The following SVOP variants were observed in gnomAD, a reference collection of about 807,000 sequenced individuals.
SVOP encodes SV2 related protein, also known as synaptic vesicle 2-related protein.
Under a neutral mutation model 69.1 loss-of-function variants are expected in SVOP, and 17 were observed. That is an observed-to-expected ratio of 0.25 (90% CI 0.17 to 0.37). The LOEUF (loss-of-function observed/expected upper bound fraction) is 0.37, where lower values mean the gene tolerates loss of function less well. Ranked by LOEUF, SVOP falls within the 10% of genes least tolerant of loss-of-function variation. The probability of loss-of-function intolerance (pLI) is 1.00; values close to 1 mark genes in which losing one functional copy is unlikely to be tolerated. For synonymous variants in SVOP, 238 were observed against 238.6 expected, an observed-to-expected ratio of 1.00 and a Z score of 0.02; for missense variants, 435 against 597.5, an observed-to-expected ratio of 0.73 and a Z score of 2.84.
intron 9 of SVOP, among the ~76,000 whole-genome samples, chr12:108,937,666 C>G (rs1433864642): frequency 2.0e-5 from 3 of 152,098 alleles, no homozygotes; most frequent in Non-Finnish European, 4.4e-5. Context: ...AAAACCAGTC[C>G]AAAGCATGTC....
chr12:108,999,982 T>C (rs1218870751), intron 1 of SVOP, among the ~76,000 whole-genome samples: 1 of 149,466 alleles, frequency 6.7e-6, no homozygotes, highest in African/African-American at 2.4e-5. Flanking sequence ...CTGAAGGAAA[T>C]AGAGACACAA....
intron 6 of SVOP, among the ~76,000 whole-genome samples, chr12:108,946,261 C>A (rs2039922221): frequency 6.7e-6 from 1 of 148,218 alleles, no homozygotes; most frequent in Non-Finnish European, 1.5e-5. Flanking sequence ...CACGCCTGGC[C>A]AATTTTTTTT....
At chr12:108,940,564 T>C (rs1302626954) in intron 8 of SVOP, among the ~76,000 whole-genome samples, 1 of 152,178 alleles carries the variant, frequency 6.6e-6, no homozygotes, top group Non-Finnish European at 1.5e-5. Flanking sequence ...CATCCCCAGT[T>C]ATCTCCCCAG....
chr12:108,981,201 G>T (rs1417277284), intron 2 of SVOP, among the ~76,000 whole-genome samples: 1 of 152,204 alleles, frequency 6.6e-6, no homozygotes, highest in African/African-American at 2.4e-5. Context: ...TGTGCCGAAA[G>T]CTAGATGTGC....
intron 8 of SVOP, among the ~76,000 whole-genome samples, chr12:108,940,090 T>C (rs916121883): frequency 3.9e-5 from 6 of 152,206 alleles, no homozygotes; most frequent in African/African-American, 1.4e-4. Context: ...CCCTGACTAA[T>C]ATAGGGGTTC....
At chr12:108,912,852 A>G in intron 15 of SVOP, 111 bp from the exon 16 acceptor site, 1 of 1,125,176 alleles carries the variant, frequency 8.9e-7, no homozygotes, top group Non-Finnish European at 1.3e-6. Context: ...CTGCTTGCTA[A>G]AAAGGATCTG....
chr12:108,914,360 G>A (rs117968668), intron 15 of SVOP, among the ~76,000 whole-genome samples: 221 of 152,154 alleles, frequency 1.5e-3, no homozygotes, highest in Non-Finnish European at 2.1e-3. Context: ...GTTATGTGAC[G>A]TTTACCTCAA....
intron 2 of SVOP, among the ~76,000 whole-genome samples, chr12:108,978,949 A>C (rs573440192): frequency 1.3e-5 from 2 of 152,372 alleles, no homozygotes; most frequent in Admixed American, 6.5e-5. Context: ...ACATTATGAA[A>C]TATGACCCAA....
chr12:108,976,977 C>T (rs532338038), intron 4 of SVOP, among the ~76,000 whole-genome samples: 1 of 152,194 alleles, frequency 6.6e-6, no homozygotes, highest in Non-Finnish European at 1.5e-5. Flanking sequence ...GGTTCTGCAG[C>T]CTCCTCCTTC....
chr12:108,919,349 C>G (rs2039734548), intron 13 of SVOP, among the ~76,000 whole-genome samples: 2 of 151,060 alleles, frequency 1.3e-5, no homozygotes, highest in African/African-American at 4.9e-5. Context: ...GCACCTATAC[C>G]TGCACCCACA....
In SVOP at chr12:108,917,937, C is replaced by T. The variant is rs540054370; in HGVS notation, c.1350+106G>A. 1.2e-3 allele frequency: 1,077 copies of T among 899,138 alleles called. 3 individuals are homozygous for T. Among genetic ancestry groups the T allele is most frequent in the Non-Finnish European group, 1.6e-3 (990 of 613,322 alleles). The allele number at this position is 899,138 out of a possible 1,614,324, so 55.7% of individuals were successfully genotyped here. ...TTGGGATTATAGGCATGAGCTACCG[C>T]GCCCACCACCTCATTCTTTTTAATG... On this transcript the variant is annotated intron_variant, in intron 14 of 15. Coordinates refer to ENST00000610966, the MANE Select transcript of SVOP (RefSeq NM_018711.5).
At chr12:108,932,829 C>T (rs2137399936) in intron 11 of SVOP, among the ~76,000 whole-genome samples, 2 of 152,324 alleles carry the variant, frequency 1.3e-5, no homozygotes, top group East Asian at 3.9e-4. Context: ...CATCACTCAA[C>T]AGACAGCAGA....
At position 108,946,421 on chromosome 12, in the gene SVOP, T is replaced by C. The variant is rs561798535; in HGVS notation, c.579-1255A>G. On this transcript the variant is annotated intron_variant, in intron 6 of 15. Transcript: ENST00000610966. ...AGCCCCGCAAATGGTATTTTTTATT[T>C]TTATCATTCCTTCTATATTTATTAG... Among the ~76,000 whole-genome samples the C allele has an allele frequency of 1.7e-4, 26 of 152,262 alleles. No individual in the cohort carries two copies. The East Asian group carries it at 4.8e-3, about 28-fold the overall frequency.
intron 5 of SVOP, among the ~76,000 whole-genome samples, chr12:108,965,101 T>C (rs572226042): frequency 6.6e-6 from 1 of 152,252 alleles, no homozygotes; most frequent in South Asian, 2.1e-4. Context: ...TGCTAGGCCC[T>C]GGGCTACCGT....
chr12:109,020,246 T>C (rs2040389473), intron 1 of SVOP, among the ~76,000 whole-genome samples: 1 of 152,180 alleles, frequency 6.6e-6, no homozygotes, highest in African/African-American at 2.4e-5. Context: ...AGCTAGCTGC[T>C]ACAAAAACCT....
chr12:108,915,723 G>A, intron 15 of SVOP, 60 bp downstream of exon 15: 1 of 1,513,066 alleles, frequency 6.6e-7, no homozygotes, highest in Non-Finnish European at 8.9e-7. Flanking sequence ...TGTAGTAACT[G>A]CTTGCCATGC....
intron 6 of SVOP, among the ~76,000 whole-genome samples, chr12:108,950,009 G>C (rs2039945496): frequency 6.6e-6 from 1 of 152,152 alleles, no homozygotes; most frequent in Admixed American, 6.5e-5. Context: ...TCTGTGTTAG[G>C]TTCCGCTTCA....
At chr12:108,987,842 C>T (rs1383910026) in intron 1 of SVOP, among the ~76,000 whole-genome samples, 1 of 152,136 alleles carries the variant, frequency 6.6e-6, no homozygotes, top group East Asian at 1.9e-4. Flanking sequence ...CCTTATCAGA[C>T]ATATGATTTG....
intron 5 of SVOP, among the ~76,000 whole-genome samples, chr12:108,969,119 T>C (rs1422694589): frequency 2.6e-5 from 4 of 152,032 alleles, no homozygotes; most frequent in Admixed American, 2.6e-4. Flanking sequence ...AAGATTAACA[T>C]TGGATTCAGC....
Sources: gnomAD v4.1 joint callset for allele counts (sites outside exome capture counted in the v4.1 genomes callset) on GRCh38, gnomAD v4.1.1 for gene constraint, MANE v1.5 for transcripts, NCBI Gene and HGNC (gene_info 2026-07-23, HGNC 2026-07-21) for gene names.